SORBS2: variants seen among roughly 807,000 people sequenced by gnomAD.
The protein encoded by SORBS2 is sorbin and SH3 domain containing 2.
A neutral mutation model predicts 97.7 loss-of-function variants in SORBS2; 46 were observed. The observed-to-expected ratio is 0.47, with a 90% confidence interval of 0.37 to 0.60. The LOEUF (loss-of-function observed/expected upper bound fraction) is 0.60. SORBS2 is among the 20% of genes least tolerant of loss of function. The probability of loss-of-function intolerance (pLI) is 0.00; values close to 1 mark genes in which losing one functional copy is unlikely to be tolerated. For missense variants in SORBS2, 1,316 were observed against 1,282.3 expected (o/e 1.03, Z -0.40); for synonymous variants, 476 against 473.4 (o/e 1.01, Z -0.07).
At position 185,623,465 on chromosome 4, in the gene SORBS2, C is replaced by T. The variant is rs1554083162; in HGVS notation, c.1664G>A (p.Arg555His). ...GCCTTTGCAGGAGCTGATGAGGTGG[C>T]GGTGGTGGTGGTGGTGGTGATGGTG... is the stretch of plus-strand genomic sequence containing the variant. Residue 555 changes from arginine to histidine, a missense_variant, in exon 7 of 15, where the codon CGC (arginine) becomes CAC (histidine). By Grantham distance (29) the Arg-to-His change is conservative. Transcript: ENST00000418609. This position sits in a 1 kb window ranked among gnomAD's most constrained non-coding sequence, Gnocchi z 6.4. 4 of 1,612,014 alleles carry T rather than the reference C, an allele frequency of 2.5e-6. No homozygotes were observed. Among genetic ancestry groups the T allele is most frequent in the Non-Finnish European group, 3.4e-6 (4 of 1,179,894 alleles).
chr4:185,861,180 C>T (rs1216067727), intron 1 of SORBS2, among the ~76,000 whole-genome samples: 1 of 152,118 alleles, frequency 6.6e-6, no homozygotes, highest in Non-Finnish European at 1.5e-5. Flanking sequence ...AGTGCCTGAA[C>T]TCCAAAGGTA....
At chr4:185,897,324 A>G (rs887018412) in intron 1 of SORBS2, among the ~76,000 whole-genome samples, 14 of 152,198 alleles carry the variant, frequency 9.2e-5, no homozygotes, top group Admixed American at 6.5e-4. Flanking sequence ...GAAGGAAGGA[A>G]AGCTGACCAG....
chr4:185,762,713 T>C (rs2098905508), intron 2 of SORBS2, among the ~76,000 whole-genome samples: 2 of 152,236 alleles, frequency 1.3e-5, no homozygotes, highest in Admixed American at 6.5e-5. Flanking sequence ...TTCTCAGCTT[T>C]AGTAACAATG....
chr4:185,653,014 T>C (rs965779640), intron 1 of SORBS2, among the ~76,000 whole-genome samples: 6 of 152,226 alleles, frequency 3.9e-5, no homozygotes, highest in Non-Finnish European at 8.8e-5. Context: ...AGAGTTGATA[T>C]TTGCACAAAT....
chr4:185,649,841 C>T (rs1160252080), intron 2 of SORBS2, among the ~76,000 whole-genome samples, 185 bp from the exon 12 acceptor site: 2 of 152,002 alleles, frequency 1.3e-5, no homozygotes, highest in Non-Finnish European at 2.9e-5. Context: ...TACTAATTTC[C>T]ATTAATTTAT....
chr4:185,950,052 A>G (rs1410242357), intron 1 of SORBS2, among the ~76,000 whole-genome samples: 1 of 152,092 alleles, frequency 6.6e-6, no homozygotes, highest in Non-Finnish European at 1.5e-5. Context: ...AGGAGTTCGA[A>G]ACCAGCCTGG....
intron 2 of SORBS2, among the ~76,000 whole-genome samples, chr4:185,738,925 A>T (rs953486579): frequency 1.2e-4 from 18 of 152,220 alleles, no homozygotes; most frequent in African/African-American, 4.1e-4. Context: ...GTTGGAAGTG[A>T]TACCAGTGCA....
chr4:185,911,316 C>A (rs770806759), intron 1 of SORBS2, among the ~76,000 whole-genome samples: 1 of 152,154 alleles, frequency 6.6e-6, no homozygotes, highest in Admixed American at 6.5e-5. Context: ...CAGCCTTGAC[C>A]TCCTGGGTTC....
At chr4:185,878,071 G>A (rs2099234681) in intron 1 of SORBS2, among the ~76,000 whole-genome samples, 1 of 151,812 alleles carries the variant, frequency 6.6e-6, no homozygotes, top group South Asian at 2.1e-4. Context: ...ATATGATTAA[G>A]GTAAAATCTA....
At chr4:185,818,526 T>C (rs1431932125) in intron 1 of SORBS2, among the ~76,000 whole-genome samples, 2 of 152,166 alleles carry the variant, frequency 1.3e-5, no homozygotes. Context: ...GCATCCTAAT[T>C]GCCAGATCAT....
chr4:185,920,234 C>G (rs1426040370), intron 1 of SORBS2, among the ~76,000 whole-genome samples: 1 of 152,150 alleles, frequency 6.6e-6, no homozygotes, highest in Non-Finnish European at 1.5e-5. Flanking sequence ...AGAACTCCAA[C>G]CAGTTCCCAC....
At chr4:185,916,962 A>C (rs2099258484) in intron 1 of SORBS2, among the ~76,000 whole-genome samples, 1 of 152,248 alleles carries the variant, frequency 6.6e-6, no homozygotes, top group Admixed American at 6.5e-5. Flanking sequence ...AGCCAGGATT[A>C]GAGGGTTGGG....
At chr4:185,944,084 C>G (rs1010481406) in intron 1 of SORBS2, among the ~76,000 whole-genome samples, 4 of 152,200 alleles carry the variant, frequency 2.6e-5, no homozygotes, top group African/African-American at 9.6e-5. Flanking sequence ...TCATTCTGCA[C>G]TCCTTATTAG....
chr4:185,724,332 A>T (rs1355338862), intron 2 of SORBS2, among the ~76,000 whole-genome samples: 5 of 5,102 alleles, frequency 9.8e-4, no homozygotes, highest in Non-Finnish European at 1.7e-3. Flanking sequence ...CCAGAGAGTT[A>T]AAAAAAAAAA....
intron 1 of SORBS2, among the ~76,000 whole-genome samples, chr4:185,861,315 T>TG (rs1428874650): frequency 8.4e-6 from 1 of 119,402 alleles, no homozygotes; most frequent in Non-Finnish European, 1.7e-5. Flanking sequence ...TCGCTGAAAA[T>TG]GGGGGGTGGG....
chr4:185,702,504 C>T (rs1201325200), intron 2 of SORBS2, among the ~76,000 whole-genome samples: 1 of 152,174 alleles, frequency 6.6e-6, no homozygotes, highest in Non-Finnish European at 1.5e-5. Flanking sequence ...CCCATTAAGC[C>T]CCATCTCCAA....
intron 1 of SORBS2, among the ~76,000 whole-genome samples, chr4:185,827,943 AT>A (rs1206140754): frequency 1.3e-4 from 5 of 37,766 alleles, no homozygotes; most frequent in Non-Finnish European, 3.7e-4. Context: ...CACCATCATC[AT>A]CATCATCATC....
chr4:185,753,102 T>C (rs1039233), intron 2 of SORBS2, among the ~76,000 whole-genome samples: 116,491 of 152,180 alleles, frequency 0.77, 44,936 homozygotes, highest in African/African-American at 0.83. Context: ...ACGTTAGCCA[T>C]AAACAATTTC....
intron 2 of SORBS2, among the ~76,000 whole-genome samples, chr4:185,650,159 A>G (rs1561669847): frequency 6.6e-6 from 1 of 152,218 alleles, no homozygotes; most frequent in African/African-American, 2.4e-5. Context: ...GTACAAGGAA[A>G]CATGAGTCCT....
Sources: allele counts gnomAD v4.1 joint callset (sites outside exome capture counted in the v4.1 genomes callset), GRCh38; gene constraint gnomAD v4.1.1; non-coding constraint Gnocchi (gnomAD v3.1); transcripts MANE v1.5; gene names NCBI Gene and HGNC (gene_info 2026-07-23, HGNC 2026-07-21).